Variants in SNRPB2 observed in about 807,000 individuals in gnomAD.
SNRPB2 encodes U2 small nuclear ribonucleoprotein B''.
Under a neutral mutation model 26.3 loss-of-function variants are expected in SNRPB2, and 16 were observed. The observed-to-expected ratio is 0.61, with a 90% CI of 0.41 to 0.92. The LOEUF (loss-of-function observed/expected upper bound fraction) is 0.92. Among genes scored for constraint, SNRPB2 ranks in the 40% least tolerant of loss-of-function variants. SNRPB2 has a pLI of 0.00. For missense variants in SNRPB2, 179 were observed against 268.1 expected, an observed-to-expected ratio of 0.67 and a Z score of 2.32; for synonymous variants, 75 against 89.0, an observed-to-expected ratio of 0.84 and a Z score of 0.88.
At position 16,737,419 on chromosome 20, in the gene SNRPB2, A is replaced by G; in HGVS notation, c.378+18A>G. ...CTGGCCAGGTAAGAAAGACCAAGAAAGTTCCTGTTTGTATTGGTGTTAAAA... is the reference window on the plus strand; with the variant it reads ...CTGGCCAGGTAAGAAAGACCAAGAAGGTTCCTGTTTGTATTGGTGTTAAAA... On this transcript the variant is annotated intron_variant, in intron 4 of 6. Transcript: ENST00000246071. 6.4e-7 allele frequency: 1 copy of G among 1,569,912 alleles called. No individual in the cohort carries two copies. The highest frequency in any genetic ancestry group is 8.6e-7 in the Non-Finnish European group (1 of 1,167,184).
intron 3 of SNRPB2, among the ~76,000 whole-genome samples, chr20:16,734,079 T>C (rs754206936): frequency 6.6e-6 from 1 of 152,196 alleles, no homozygotes; most frequent in Non-Finnish European, 1.5e-5. Context: ...GCTATTTTGC[T>C]GAGTTGAGAT....
At chr20:16,734,654 TTGTTCATTACCCCG>T (rs1014068145) in intron 3 of SNRPB2, among the ~76,000 whole-genome samples, 60 of 152,298 alleles carry the variant, frequency 3.9e-4, no homozygotes, top group African/African-American at 1.4e-3. Flanking sequence ...GGGGGCTGTC[TTGTTCATTACCCCG>T]TGTTTAACAG....
chr20:16,737,146 G>T, intron 3 of SNRPB2, 115 bp from the exon 4 acceptor site: 1 of 732,230 alleles, frequency 1.4e-6, no homozygotes, highest in East Asian at 3.0e-5. Flanking sequence ...ATTTTCTTAG[G>T]GATATGTTTA....
Position 16,742,474 on chromosome 20 carries a change from A to AC in SNRPB2, c.*1470dup, listed in dbSNP as rs1464929525. On this transcript the variant is annotated 3_prime_UTR_variant, in exon 7 of 7. Transcript: ENST00000246071. Reference sequence around the variant, plus strand: ...TAGGTCTTCTTCAGGATTTGCTTATACTCTGAGTGAAATGGGGGACTATTT... The same window carrying AC: ...TAGGTCTTCTTCAGGATTTGCTTATACCTCTGAGTGAAATGGGGGACTATTT... The AC allele has an allele frequency of 6.6e-6, 1 of 150,786 alleles. No individual in the cohort carries two copies. Among genetic ancestry groups the AC allele is most frequent in the African/African-American group, 2.4e-5 (1 of 40,924 alleles). The allele number at this position is 150,786 out of a possible 1,614,324, so 9.3% of individuals were successfully genotyped here.
rs971685811 is a variant in SNRPB2, at chr20:16,741,214, C to A, written c.*209C>A. Reference sequence around the variant, plus strand: ...TGTACAATAAACTTTTATTTGTATTCTGTGTATATAATGCTTTCTTGATTG... The same window carrying A: ...TGTACAATAAACTTTTATTTGTATTATGTGTATATAATGCTTTCTTGATTG... On this transcript the variant is annotated 3_prime_UTR_variant, in exon 7 of 7. Coordinates refer to ENST00000246071, the MANE Select transcript of SNRPB2 (RefSeq NM_003092.5). 9.0e-5 allele frequency: 41 copies of A among 455,318 alleles called. 3 individuals carry two copies. The highest frequency in any genetic ancestry group is 1.7e-4 in the East Asian group (5 of 28,824). 28.2% of individuals were successfully genotyped at this position (455,318 alleles called of 1,614,324 possible).
chr20:16,732,128 A>G (rs767597991), intron 2 of SNRPB2, 36 bp from the exon 3 acceptor site: 1 of 1,337,244 alleles, frequency 7.5e-7, no homozygotes, highest in Non-Finnish European at 1.0e-6. Flanking sequence ...TCATTACTTT[A>G]TTACCAATAA....
Position 16,732,244 on chromosome 20 carries a change from A to T in SNRPB2, c.145A>T (p.Arg49Trp). The T allele has an allele frequency of 6.2e-7, 1 of 1,601,992 alleles. No individual in the cohort carries two copies. The highest frequency in any genetic ancestry group is 1.1e-5 in the South Asian group (1 of 90,314). Residue 49 changes from arginine (R) to tryptophan (W), a missense_variant, in exon 3 of 7, where the codon AGG becomes TGG. This residue lies in a region of SNRPB2 where 145 missense variants were observed against 180.7 expected (regional missense o/e 0.80). Transcript: ENST00000246071. ...DIVALKTMKM[R>W]GQAFVIFKEL... ...TGTGGCTTTAAAGACCATGAAGATGAGGGGGCAGGCCTTTGTCATATTTAA... is the reference window on the plus strand; with the variant it reads ...TGTGGCTTTAAAGACCATGAAGATGTGGGGGCAGGCCTTTGTCATATTTAA...
chr20:16,731,438 G>T (rs1423552211), intron 1 of SNRPB2, among the ~76,000 whole-genome samples: 1 of 152,202 alleles, frequency 6.6e-6, no homozygotes, highest in Non-Finnish European at 1.5e-5. Context: ...GAATTAAATG[G>T]TGTTACTAAA....
intron 5 of SNRPB2, among the ~76,000 whole-genome samples, chr20:16,739,961 T>A (rs1182990629): frequency 6.6e-6 from 1 of 151,174 alleles, no homozygotes; most frequent in African/African-American, 2.4e-5. Context: ...AGGAATTGAG[T>A]ATCTGAGTGA....
Position 16,737,351 on chromosome 20 carries a change from G to T in SNRPB2, c.328G>T (p.Ala110Ser), listed in dbSNP as rs1312457795. The T allele has an allele frequency of 6.2e-7, 1 of 1,606,950 alleles. No individual in the cohort carries two copies. Among genetic ancestry groups the T allele is most frequent in the South Asian group, 1.1e-5 (1 of 88,700 alleles). Reference protein sequence around the residue: ...DKEKKKEKKKAKTVEQTATTT... With the variant: ...DKEKKKEKKKSKTVEQTATTT... ...AGAAAAGAAAAAAGAAAAGAAAAAA[G>T]CCAAAACTGTGGAACAGACTGCAAC... is the stretch of plus-strand genomic sequence containing the variant. The change falls in exon 4 of 7, where the codon GCC becomes TCC. Residue 110 changes from alanine (A) to serine (S), a missense_variant. By Grantham distance (99) the Ala-to-Ser change is moderately conservative. This residue lies in a region of SNRPB2 where 145 missense variants were observed against 180.7 expected (regional missense o/e 0.80). Transcript: ENST00000246071.
intron 2 of SNRPB2, 71 bp from the exon 3 acceptor site, chr20:16,732,093 C>A: frequency 2.3e-6 from 2 of 877,776 alleles, no homozygotes. Context: ...CAACTCAATG[C>A]AGTATCATTT....
At chr20:16,740,517 G>A in intron 6 of SNRPB2, 104 bp downstream of exon 6, 2 of 1,504,466 alleles carry the variant, frequency 1.3e-6, no homozygotes, top group African/African-American at 1.4e-5. Context: ...ATTCCTTACA[G>A]GTTCATTGAT....
intron 1 of SNRPB2, chr20:16,730,374 T>A (rs1285290097): frequency 1.3e-5 from 2 of 152,190 alleles, no homozygotes; most frequent in African/African-American, 4.8e-5. Context: ...GCGTGGACAG[T>A]TCACTGCGCT....
chr20:16,740,328 C>G lies in SNRPB2; in HGVS notation c.433C>G (p.Pro145Ala), dbSNP rs1555818566. Residue 145 changes from proline to alanine, a missense_variant, in exon 6 of 7, where the codon CCT (proline) becomes GCT (alanine). Coordinates refer to ENST00000246071, the MANE Select transcript of SNRPB2 (RefSeq NM_003092.5). ...TTGCCTTTTTACTTTTTAATAGGTCCCTGATTACCCTCCAAACTATATTTT... is the reference window on the plus strand; with the variant it reads ...TTGCCTTTTTACTTTTTAATAGGTCGCTGATTACCCTCCAAACTATATTTT... ...QGNSTPNPQV[P>A]DYPPNYILFL... is the part of the protein sequence containing the mutation. 2 of 1,610,050 alleles carry G rather than the reference C, an allele frequency of 1.2e-6. No homozygotes were observed. Among genetic ancestry groups the G allele is most frequent in the Non-Finnish European group, 1.7e-6 (2 of 1,178,466 alleles).
intron 3 of SNRPB2, 186 bp downstream of exon 3, chr20:16,732,522 A>G (rs2072399710): frequency 2.3e-6 from 1 of 425,570 alleles, no homozygotes; most frequent in African/African-American, 2.1e-5. Flanking sequence ...AGATGGGCAA[A>G]AACAAAATAC....
chr20:16,738,782 A>C, intron 4 of SNRPB2, 70 bp from the exon 5 acceptor site: 1 of 818,598 alleles, frequency 1.2e-6, no homozygotes, highest in Non-Finnish European at 2.1e-6. Flanking sequence ...TGCAGTAATT[A>C]TAAATATAAA....
At chr20:16,734,960 C>G (rs1477952193) in intron 3 of SNRPB2, among the ~76,000 whole-genome samples, 1 of 152,170 alleles carries the variant, frequency 6.6e-6, no homozygotes. Flanking sequence ...GTTAGTCTAA[C>G]CCTTCAGCCT....
chr20:16,741,297 C>G lies in SNRPB2; in HGVS notation c.*292C>G, dbSNP rs532763326. 4.8e-6 allele frequency: 1 copy of G among 207,078 alleles called. No homozygotes were observed. Among genetic ancestry groups the G allele is most frequent in the South Asian group, 1.6e-4 (1 of 6,140 alleles). The allele number at this position is 207,078 out of a possible 1,614,324, so 12.8% of individuals were successfully genotyped here. A position where few individuals can be genotyped will look rare whatever the true frequency, so the allele number is the denominator to read the frequency against. On this transcript the variant is annotated 3_prime_UTR_variant, in exon 7 of 7. Coordinates refer to ENST00000246071, the MANE Select transcript of SNRPB2 (RefSeq NM_003092.5). ...CTAGAACACACTTAAGGTTTATAAACTTGTGTAATAGGATGCTTTTCTAGT... is the reference window on the plus strand; with the variant it reads ...CTAGAACACACTTAAGGTTTATAAAGTTGTGTAATAGGATGCTTTTCTAGT...
At chr20:16,737,953 A>C (rs1233981628) in intron 4 of SNRPB2, among the ~76,000 whole-genome samples, 1 of 150,308 alleles carries the variant, frequency 6.7e-6, no homozygotes. Flanking sequence ...GCAGGAGAAT[A>C]GCATGAACCT....
Sources: allele counts gnomAD v4.1 joint callset (sites outside exome capture counted in the v4.1 genomes callset), GRCh38; gene constraint gnomAD v4.1.1; regional missense constraint gnomAD v4.1.1; transcripts MANE v1.5; gene names NCBI Gene and HGNC (gene_info 2026-07-23, HGNC 2026-07-21).